Variants in SAXO1 observed in about 807,000 individuals in gnomAD.
SAXO1 encodes the protein 4930500O09Rik.
SAXO1 carries 21 observed loss-of-function variants against 17.5 expected under a neutral mutation model. That is an observed-to-expected ratio of 1.20 (90% CI 0.85 to 1.72). SAXO1 has a LOEUF of 1.72. Among genes scored for constraint, SAXO1 ranks in the 40% most tolerant of loss-of-function variants. SAXO1 has a pLI of 0.00. For synonymous variants in SAXO1, 274 were observed against 216.5 expected (o/e 1.27, Z -2.33); for missense variants, 843 against 596.0 (o/e 1.41, Z -4.32).
intron 1 of SAXO1, among the ~76,000 whole-genome samples, chr9:18,979,477 T>A (rs1833282421): frequency 6.6e-6 from 1 of 152,130 alleles, no homozygotes; most frequent in South Asian, 2.1e-4. Flanking sequence ...AAGAGAAGGA[T>A]TTGAGCAAAG....
At chr9:18,988,572 T>A (rs1218173563) in intron 1 of SAXO1, among the ~76,000 whole-genome samples, 2 of 152,244 alleles carry the variant, frequency 1.3e-5, no homozygotes, top group East Asian at 3.8e-4. Context: ...ATACATTAAA[T>A]CATGGCAAAG....
At chr9:18,990,182 TTC>T (rs1378301037) in intron 1 of SAXO1, among the ~76,000 whole-genome samples, 1 of 152,016 alleles carries the variant, frequency 6.6e-6, no homozygotes, top group Non-Finnish European at 1.5e-5. Flanking sequence ...TTTTTTTTTT[TTC>T]CTAACAACTA....
At chr9:18,981,285 G>C (rs575833167) in intron 1 of SAXO1, among the ~76,000 whole-genome samples, 23 of 152,328 alleles carry the variant, frequency 1.5e-4, no homozygotes, top group African/African-American at 5.1e-4. Context: ...CTTTCTAATA[G>C]TCTCATAACA....
chr9:18,998,889 T>C (rs973116475), intron 1 of SAXO1, among the ~76,000 whole-genome samples: 1 of 152,138 alleles, frequency 6.6e-6, no homozygotes, highest in Admixed American at 6.6e-5. Context: ...TAAAATCCTT[T>C]ACAGAAAGCA....
chr9:19,044,085 C>T (rs1283702976), intron 1 of SAXO1, among the ~76,000 whole-genome samples: 5 of 151,012 alleles, frequency 3.3e-5, no homozygotes, highest in Non-Finnish European at 7.4e-5. Flanking sequence ...GTAGAGGCTG[C>T]AGTGTGTCAT....
chr9:18,981,723 C>T (rs1055595217), intron 1 of SAXO1, among the ~76,000 whole-genome samples: 4 of 152,144 alleles, frequency 2.6e-5, no homozygotes, highest in Non-Finnish European at 4.4e-5. Context: ...TGCATCCTCA[C>T]AGCAGGCTCA....
chr9:18,949,705 C>T (rs1379665668), intron 2 of SAXO1, among the ~76,000 whole-genome samples: 1 of 152,134 alleles, frequency 6.6e-6, no homozygotes, highest in Non-Finnish European at 1.5e-5. Context: ...CAGTCCTATT[C>T]TGGAGAAAAC....
chr9:18,941,551 C>CT, intron 3 of SAXO1, 86 bp downstream of exon 3: 1 of 1,488,190 alleles, frequency 6.7e-7, no homozygotes, highest in Non-Finnish European at 9.3e-7. Context: ...CTTGCACTAA[C>CT]TGAGTATGCA....
chr9:19,046,362 C>G (rs918306091), intron 1 of SAXO1, among the ~76,000 whole-genome samples: 1 of 151,930 alleles, frequency 6.6e-6, no homozygotes, highest in East Asian at 1.9e-4. Flanking sequence ...AACAAAAAGA[C>G]AGAAATAGAA....
chr9:18,983,817 C>G (rs751711699), intron 1 of SAXO1, among the ~76,000 whole-genome samples: 1 of 152,152 alleles, frequency 6.6e-6, no homozygotes, highest in African/African-American at 2.4e-5. Flanking sequence ...TTCTTAATGG[C>G]GTCTAGAATG....
intron 1 of SAXO1, among the ~76,000 whole-genome samples, chr9:18,959,408 G>C (rs546941126): frequency 1.3e-5 from 2 of 152,112 alleles, no homozygotes; most frequent in African/African-American, 2.4e-5. Flanking sequence ...GGGGAGAGAA[G>C]AATCAGAGCC....
chr9:18,938,828 G>GTGTGTGTGTGTGTA (rs1554667858), intron 3 of SAXO1, among the ~76,000 whole-genome samples: 1,174 of 114,086 alleles, frequency 0.01, 20 homozygotes, highest in African/African-American at 0.027. Flanking sequence ...GTGCGTGTGT[G>GTGTGTGTGTGTGTA]TGTGTGTGTG....
chr9:19,002,612 C>T (rs76947762), intron 1 of SAXO1, among the ~76,000 whole-genome samples: 2,765 of 152,262 alleles, frequency 0.018, 84 homozygotes, highest in African/African-American at 0.061. Context: ...TAAATGCAAT[C>T]CATCACATGA....
intron 1 of SAXO1, among the ~76,000 whole-genome samples, chr9:19,044,582 C>A (rs1029070178): frequency 6.6e-6 from 1 of 152,074 alleles, no homozygotes; most frequent in African/African-American, 2.4e-5. Flanking sequence ...AAGCTGAATC[C>A]GGCGGGCGCG....
chr9:18,939,147 C>T (rs1831442294), intron 3 of SAXO1, among the ~76,000 whole-genome samples: 1 of 152,156 alleles, frequency 6.6e-6, no homozygotes, highest in Non-Finnish European at 1.5e-5. Context: ...ATATCACAGT[C>T]CCTTATTCCC....
chr9:19,017,818 C>G (rs1835049450), intron 1 of SAXO1, among the ~76,000 whole-genome samples: 1 of 152,130 alleles, frequency 6.6e-6, no homozygotes, highest in Admixed American at 6.5e-5. Flanking sequence ...AAACAAAAAC[C>G]TTAAATCCAC....
At chr9:18,930,175 G>A (rs1830979394) in intron 3 of SAXO1, among the ~76,000 whole-genome samples, 1 of 152,166 alleles carries the variant, frequency 6.6e-6, no homozygotes. Context: ...AAAATAATCA[G>A]AGGGAAGATT....
chr9:18,953,391 T>C (rs1471925881), intron 1 of SAXO1, among the ~76,000 whole-genome samples: 1 of 152,166 alleles, frequency 6.6e-6, no homozygotes, highest in Non-Finnish European at 1.5e-5. Context: ...AATGGCAATA[T>C]ACTGCAATAT....
chr9:18,999,258 C>G (rs1271003793), intron 1 of SAXO1, among the ~76,000 whole-genome samples: 1 of 152,158 alleles, frequency 6.6e-6, no homozygotes, highest in East Asian at 1.9e-4. Flanking sequence ...GGGATGGAGC[C>G]GTCTGGGATC....
Sources: allele counts gnomAD v4.1 joint callset (sites outside exome capture counted in the v4.1 genomes callset), GRCh38; gene constraint gnomAD v4.1.1; transcripts MANE v1.5; gene names NCBI Gene and HGNC (gene_info 2026-07-23, HGNC 2026-07-21).